Variants in FSTL5 observed in about 807,000 individuals in gnomAD.
FSTL5 encodes the protein follistatin like 5, also known as follistatin-related protein 5.
A neutral mutation model predicts 89.1 loss-of-function variants in FSTL5; 62 were observed. That is an observed-to-expected ratio of 0.70 (90% CI 0.57 to 0.86). FSTL5 has a LOEUF of 0.86. Ranked by LOEUF, FSTL5 falls within the 40% of genes least tolerant of loss-of-function variation. The pLI, the probability that FSTL5 is intolerant of heterozygous loss-of-function variation, is 0.00. For missense variants in FSTL5, 1,057 were observed against 1,001.6 expected, an observed-to-expected ratio of 1.06 and a Z score of -0.75; for synonymous variants, 383 against 346.2, an observed-to-expected ratio of 1.11 and a Z score of -1.18.
chr4:161,389,438 C>T (rs1055081147), intron 15 of FSTL5, among the ~76,000 whole-genome samples: 4 of 152,044 alleles, frequency 2.6e-5, no homozygotes, highest in Non-Finnish European at 4.4e-5. Context: ...AAATCATTTT[C>T]TCTTTCTGAA....
chr4:161,597,305 TG>T (rs1195090634), intron 7 of FSTL5, among the ~76,000 whole-genome samples: 2 of 152,062 alleles, frequency 1.3e-5, no homozygotes, highest in African/African-American at 4.8e-5. Context: ...CCCCATTTCT[TG>T]TTTTTCTCAG....
At chr4:161,396,227 G>A (rs1240257421) in intron 15 of FSTL5, among the ~76,000 whole-genome samples, 1 of 152,018 alleles carries the variant, frequency 6.6e-6, no homozygotes, top group Non-Finnish European at 1.5e-5. Context: ...ACGCACACAT[G>A]ACTGATTAAG....
intron 15 of FSTL5, among the ~76,000 whole-genome samples, chr4:161,399,727 TTTA>T (rs1731123177): frequency 6.6e-6 from 1 of 152,118 alleles, no homozygotes; most frequent in Non-Finnish European, 1.5e-5. Flanking sequence ...TGATACAAAA[TTTA>T]ATAGAGAGAC....
chr4:161,834,330 C>A (rs963590379), intron 4 of FSTL5, among the ~76,000 whole-genome samples: 4 of 152,050 alleles, frequency 2.6e-5, no homozygotes, highest in Non-Finnish European at 5.9e-5. Context: ...CTATGACAAA[C>A]CCACAGCCAA....
intron 4 of FSTL5, among the ~76,000 whole-genome samples, chr4:161,884,908 A>G (rs1270241668): frequency 6.6e-6 from 1 of 152,142 alleles, no homozygotes; most frequent in Admixed American, 6.5e-5. Flanking sequence ...GAAAATTTAG[A>G]TGAATTATTC....
At chr4:161,972,422 A>G (rs139356488) in intron 3 of FSTL5, among the ~76,000 whole-genome samples, 1 of 152,246 alleles carries the variant, frequency 6.6e-6, no homozygotes, top group East Asian at 1.9e-4. Flanking sequence ...AGGACACCAT[A>G]ACATTCTGAT....
intron 13 of FSTL5, among the ~76,000 whole-genome samples, chr4:161,468,388 A>G (rs1266507957): frequency 6.6e-6 from 1 of 151,934 alleles, no homozygotes; most frequent in Non-Finnish European, 1.5e-5. Flanking sequence ...GAAGGTTAGG[A>G]TTTGTCTTTG....
At chr4:161,635,721 A>C (rs547881528) in intron 7 of FSTL5, among the ~76,000 whole-genome samples, 4 of 152,210 alleles carry the variant, frequency 2.6e-5, no homozygotes, top group African/African-American at 9.6e-5. Flanking sequence ...CATTACGTCT[A>C]GACAAAAGTT....
intron 2 of FSTL5, among the ~76,000 whole-genome samples, chr4:162,092,947 C>CAAAAAAAA (rs57860357): frequency 1.6e-4 from 13 of 80,714 alleles, no homozygotes; most frequent in Non-Finnish European, 1.6e-4. Flanking sequence ...GACTCTGTCT[C>CAAAAAAAA]AAAAAAAAAA....
intron 4 of FSTL5, among the ~76,000 whole-genome samples, chr4:161,778,921 T>C (rs77346015): frequency 0.026 from 3,938 of 152,304 alleles, 72 homozygotes; most frequent in Admixed American, 0.041. Context: ...ACCATTCCAA[T>C]AGCCTTTCCT....
intron 15 of FSTL5, chr4:161,387,560 T>A (rs1730688022): frequency 2.6e-5 from 4 of 152,058 alleles, no homozygotes; most frequent in Admixed American, 2.6e-4. Context: ...AAATGACCAT[T>A]TCTACACATA....
At chr4:161,519,860 A>C (rs1207252792) in intron 10 of FSTL5, among the ~76,000 whole-genome samples, 1 of 152,182 alleles carries the variant, frequency 6.6e-6, no homozygotes, top group Admixed American at 6.5e-5. Flanking sequence ...CTTTTGGTTT[A>C]ACTTCCCCAT....
chr4:161,992,962 A>G (rs1030718520), intron 3 of FSTL5, among the ~76,000 whole-genome samples: 12 of 128,088 alleles, frequency 9.4e-5, no homozygotes, highest in African/African-American at 3.5e-4. Flanking sequence ...CTATATATAT[A>G]TGTGTGTATA....
intron 3 of FSTL5, among the ~76,000 whole-genome samples, chr4:161,968,184 C>T (rs1036255528): frequency 2.6e-5 from 4 of 151,758 alleles, no homozygotes; most frequent in Admixed American, 2.6e-4. Flanking sequence ...ACATATTGTT[C>T]TGAATGTGAA....
At chr4:161,889,361 G>C (rs1476579442) in intron 4 of FSTL5, among the ~76,000 whole-genome samples, 1 of 152,114 alleles carries the variant, frequency 6.6e-6, no homozygotes, top group East Asian at 1.9e-4. Flanking sequence ...GCATAAAATA[G>C]GCCAGGTGTG....
intron 1 of FSTL5, among the ~76,000 whole-genome samples, chr4:162,121,193 T>C (rs775909683): frequency 3.1e-4 from 47 of 151,960 alleles, no homozygotes; most frequent in Non-Finnish European, 5.7e-4. Flanking sequence ...TAGTATAGCA[T>C]ATATACTTTA....
intron 6 of FSTL5, among the ~76,000 whole-genome samples, chr4:161,729,208 G>A (rs1202999852): frequency 6.6e-6 from 1 of 152,166 alleles, no homozygotes; most frequent in Non-Finnish European, 1.5e-5. Context: ...TTTTTAGAGA[G>A]TGTGGCCAGA....
At chr4:161,900,243 A>AC (rs1733308571) in intron 4 of FSTL5, among the ~76,000 whole-genome samples, 1 of 152,040 alleles carries the variant, frequency 6.6e-6, no homozygotes, top group Admixed American at 6.6e-5. Flanking sequence ...CAGTAGCTGA[A>AC]CAAGCATGTA....
chr4:161,894,362 T>C (rs926817608), intron 4 of FSTL5, among the ~76,000 whole-genome samples: 4 of 152,220 alleles, frequency 2.6e-5, no homozygotes, highest in Non-Finnish European at 5.9e-5. Context: ...TCACCACCAA[T>C]GTCCATCTCT....
Sources: gnomAD v4.1 joint callset for allele counts (sites outside exome capture counted in the v4.1 genomes callset) on GRCh38, gnomAD v4.1.1 for gene constraint, MANE v1.5 for transcripts, NCBI Gene and HGNC (gene_info 2026-07-23, HGNC 2026-07-21) for gene names.